The following PRDM16 variants were observed in gnomAD, a reference collection of about 807,000 sequenced individuals.
PRDM16 encodes PR/SET domain 16, also known as histone-lysine N-methyltransferase PRDM16.
Under a neutral mutation model 110.6 loss-of-function variants are expected in PRDM16, and 23 were observed. The observed-to-expected ratio is 0.21, with a 90% CI of 0.15 to 0.29. The LOEUF is 0.29. Ranked by LOEUF, PRDM16 falls within the 10% of genes least tolerant of loss-of-function variation. The pLI is 1.00. For missense variants in PRDM16, 1,615 were observed against 1,794.3 expected, an observed-to-expected ratio of 0.90 and a Z score of 1.81; for synonymous variants, 799 against 781.8, an observed-to-expected ratio of 1.02 and a Z score of -0.37.
intron 14 of PRDM16, 22 bp from the exon 15 acceptor site, chr1:3,430,850 A>G (rs562884749): frequency 2.6e-5 from 42 of 1,611,682 alleles, no homozygotes; most frequent in Admixed American, 1.3e-4. Context: ...AACTCAGTCA[A>G]TCTCCTCCTG....
intron 3 of PRDM16, among the ~76,000 whole-genome samples, chr1:3,269,653 T>TC (rs1640385782): frequency 2.4e-5 from 2 of 84,936 alleles, no homozygotes; most frequent in East Asian, 2.6e-4. Context: ...AGGAGGACAG[T>TC]TGGGAGGAGG....
At position 3,414,667 on chromosome 1, in the gene PRDM16, C is replaced by T. The variant is rs777512492; in HGVS notation, c.2691+20C>T. The T allele has an allele frequency of 7.5e-6, 12 of 1,597,668 alleles. No individual in the cohort carries two copies. The South Asian group carries it at 1.1e-4, about 15-fold the overall frequency. ...CCCCAGGTACGTCCTCAGTGCAGGT[C>T]AGGGCGCCCTGTAACCCACACGCCA... On this transcript the variant is annotated intron_variant, in intron 10 of 16. Coordinates refer to ENST00000270722, the MANE Select transcript of PRDM16 (RefSeq NM_022114.4).
rs996460124 is a variant in PRDM16 at position 3,069,837 on chromosome 1, G to C, written c.37+541G>C. 6.6e-6 allele frequency among the ~76,000 whole-genome samples: 1 copy of C among 152,090 alleles called. No homozygotes were observed. The highest frequency in any genetic ancestry group is 2.4e-5 in the African/African-American group (1 of 41,446). On this transcript the variant is annotated intron_variant, in intron 1 of 16. Coordinates refer to ENST00000270722, the MANE Select transcript of PRDM16 (RefSeq NM_022114.4). The surrounding 1 kb of genome is among the most constrained non-coding windows in gnomAD (Gnocchi z 6.1). ...GCGCAGAGGAGGGAGACCCCGAGCC[G>C]GGGAGGGGCGGAGGAGGGGGCGCGG...
rs1643593295 is a variant in PRDM16 at position 3,143,667 on chromosome 1, G to A, written c.38-42458G>A. 6.6e-6 allele frequency among the ~76,000 whole-genome samples: 1 copy of A among 152,124 alleles called. No individual in the cohort carries two copies. Among genetic ancestry groups the A allele is most frequent in the South Asian group, 2.1e-4 (1 of 4,816 alleles). Reference sequence around the variant, plus strand: ...AATTTTTGTATTTTTAGTAGAGATGGGGTTTCATCATTGTGGTCAGGCCAG... The same window carrying A: ...AATTTTTGTATTTTTAGTAGAGATGAGGTTTCATCATTGTGGTCAGGCCAG... On this transcript the variant is annotated intron_variant, in intron 1 of 16. Transcript: ENST00000270722. The surrounding 1 kb of genome is among the most constrained non-coding windows in gnomAD (Gnocchi z 4.5).
chr1:3,169,735 A>G (rs990753021), intron 1 of PRDM16, among the ~76,000 whole-genome samples: 1 of 152,162 alleles, frequency 6.6e-6, no homozygotes, highest in African/African-American at 2.4e-5. Context: ...CCTGTACGCC[A>G]TCAGGATCTT....
chr1:3,301,280 G>A (rs190108183), intron 3 of PRDM16, among the ~76,000 whole-genome samples: 9 of 147,282 alleles, frequency 6.1e-5, no homozygotes, highest in African/African-American at 2.3e-4. Flanking sequence ...GCAGTGAGCT[G>A]TGATATTGCA....
At chr1:3,348,119 C>G (rs911398210) in intron 3 of PRDM16, among the ~76,000 whole-genome samples, 1 of 152,162 alleles carries the variant, frequency 6.6e-6, no homozygotes, top group African/African-American at 2.4e-5. Flanking sequence ...CTGCCCAGGT[C>G]GCAGAGGGGT....
intron 1 of PRDM16, among the ~76,000 whole-genome samples, chr1:3,087,966 C>T (rs1180403945): frequency 6.6e-6 from 1 of 151,982 alleles, no homozygotes; most frequent in Non-Finnish European, 1.5e-5. Context: ...CCCGAGACAC[C>T]CCTGCTCTTT....
intron 3 of PRDM16, among the ~76,000 whole-genome samples, chr1:3,300,829 C>A (rs1237529490): frequency 6.6e-6 from 1 of 152,186 alleles, no homozygotes; most frequent in Non-Finnish European, 1.5e-5. Context: ...AAATATCTTC[C>A]TTCAACCGCT....
chr1:3,393,975 C>CGCGGCCCG (rs929323539), intron 4 of PRDM16, among the ~76,000 whole-genome samples: 4 of 152,128 alleles, frequency 2.6e-5, no homozygotes, highest in African/African-American at 9.7e-5. Context: ...AGGGGGAGCC[C>CGCGGCCCG]GCGGCCCGGC....
intron 8 of PRDM16, among the ~76,000 whole-genome samples, chr1:3,409,022 AGTGT>A (rs572533267): frequency 1.0e-3 from 154 of 147,178 alleles, no homozygotes; most frequent in African/African-American, 3.8e-3. Flanking sequence ...GGGGCATGTC[AGTGT>A]GTGTGAGTGT....
chr1:3,108,773 T>C (rs1015372629), intron 1 of PRDM16, among the ~76,000 whole-genome samples: 1 of 152,118 alleles, frequency 6.6e-6, no homozygotes, highest in Admixed American at 6.5e-5. Context: ...GAGGGGTCCA[T>C]TTGAGCAGGA....
At chr1:3,242,270 C>T (rs1639690401) in intron 2 of PRDM16, among the ~76,000 whole-genome samples, 1 of 152,252 alleles carries the variant, frequency 6.6e-6, no homozygotes, top group African/African-American at 2.4e-5. Flanking sequence ...CAGCATCTCA[C>T]TCCTCGACGT....
chr1:3,176,062 A>ACCAT (rs1182676633), intron 1 of PRDM16, among the ~76,000 whole-genome samples: 4 of 23,682 alleles, frequency 1.7e-4, no homozygotes, highest in Middle Eastern at 0.016. Flanking sequence ...CATCCATCCA[A>ACCAT]CCATCCATCC....
intron 1 of PRDM16, among the ~76,000 whole-genome samples, chr1:3,078,907 G>T (rs941185113): frequency 6.6e-6 from 1 of 152,256 alleles, no homozygotes; most frequent in Non-Finnish European, 1.5e-5. Flanking sequence ...AAAATGCCCA[G>T]ACATTTCTCT....
At chr1:3,131,782 T>C (rs1643340484) in intron 1 of PRDM16, among the ~76,000 whole-genome samples, 1 of 152,172 alleles carries the variant, frequency 6.6e-6, no homozygotes, top group Non-Finnish European at 1.5e-5. Context: ...GGGGAGGCCG[T>C]GGCCCAGGCT....
At chr1:3,433,301 G>A (rs28685204) in intron 16 of PRDM16, among the ~76,000 whole-genome samples, 2,535 of 152,370 alleles carry the variant, frequency 0.017, 69 homozygotes, top group African/African-American at 0.057. Flanking sequence ...TCCAGGCTGC[G>A]GGGAGAATCC....
chr1:3,235,213 G>A (rs1462989840), intron 2 of PRDM16, among the ~76,000 whole-genome samples: 2 of 152,222 alleles, frequency 1.3e-5, no homozygotes, highest in Admixed American at 1.3e-4. Flanking sequence ...GCCCTCGGAA[G>A]CTCTGAGACC....
rs1032567104 is a variant in PRDM16 at position 3,093,317 on chromosome 1, G to A, written c.37+24021G>A. Among the ~76,000 whole-genome samples, 5 of 152,202 alleles carry A rather than the reference G, an allele frequency of 3.3e-5. No individual in the cohort carries two copies. In the South Asian group the frequency reaches 6.2e-4, roughly 19 times the overall value. On this transcript the variant is annotated intron_variant, in intron 1 of 16. Coordinates refer to ENST00000270722, the MANE Select transcript of PRDM16 (RefSeq NM_022114.4). ...GAGCCTGGGTACTGTCCAACGTTGCGATGTTTGGTAGCACCGGGGCAGTCT... is the reference window on the plus strand; with the variant it reads ...GAGCCTGGGTACTGTCCAACGTTGCAATGTTTGGTAGCACCGGGGCAGTCT...
Sources: gnomAD v4.1 joint callset for allele counts (sites outside exome capture counted in the v4.1 genomes callset) on GRCh38, gnomAD v4.1.1 for gene constraint, Gnocchi (gnomAD v3.1) non-coding constraint, MANE v1.5 for transcripts, NCBI Gene and HGNC (gene_info 2026-07-23, HGNC 2026-07-21) for gene names.